Variants in ROS1 observed in about 807,000 individuals in gnomAD.
ROS1 encodes proto-oncogene tyrosine-protein kinase ROS.
In ROS1, 263 loss-of-function variants were observed where a neutral mutation model predicts 273.5. The observed-to-expected ratio is 0.96, with a 90% CI of 0.87 to 1.06. The LOEUF is 1.06. ROS1 is among the 50% of genes least tolerant of loss of function. ROS1 has a pLI of 0.00. For missense variants in ROS1, 2,833 were observed against 2,751.1 expected, an observed-to-expected ratio of 1.03 and a Z score of -0.67; for synonymous variants, 1,008 against 954.1, an observed-to-expected ratio of 1.06 and a Z score of -1.04.
At chr6:117,383,604 C>A in intron 16 of ROS1, 96 bp from the exon 17 acceptor site, 2 of 918,128 alleles carry the variant, frequency 2.2e-6, no homozygotes, top group Non-Finnish European at 3.5e-6. Flanking sequence ...CTTGATTAAT[C>A]ATTCATTCAT....
intron 27 of ROS1, among the ~76,000 whole-genome samples, chr6:117,348,916 T>C (rs1239400593): frequency 1.3e-5 from 2 of 152,068 alleles, no homozygotes; most frequent in African/African-American, 2.4e-5. Flanking sequence ...TATTGAGTTC[T>C]AGTTAAATGG....
At chr6:117,358,468 C>CTT (rs112615361) in intron 24 of ROS1, among the ~76,000 whole-genome samples, 1 of 147,894 alleles carries the variant, frequency 6.8e-6, no homozygotes. Flanking sequence ...AAACTAGTCC[C>CTT]TTTTTTTTTT....
At chr6:117,398,757 G>A (rs532788358) in intron 7 of ROS1, among the ~76,000 whole-genome samples, 18 of 150,340 alleles carry the variant, frequency 1.2e-4, no homozygotes, top group Non-Finnish European at 2.2e-4. Flanking sequence ...GGCGGATCAC[G>A]AGGTCAGGAG....
intron 17 of ROS1, 145 bp downstream of exon 17, chr6:117,383,172 G>C: frequency 1.8e-6 from 1 of 546,858 alleles, no homozygotes; most frequent in Middle Eastern, 5.2e-4. Flanking sequence ...TCAAATAACA[G>C]AAAACTTGGT....
intron 38 of ROS1, among the ~76,000 whole-genome samples, chr6:117,317,926 C>G (rs191782323): frequency 6.6e-6 from 1 of 152,254 alleles, no homozygotes; most frequent in African/African-American, 2.4e-5. Context: ...AAAAGCCAAA[C>G]AGCTTCAGAA....
At chr6:117,393,186 A>G (rs1237969125) in intron 12 of ROS1, 38 bp downstream of exon 12, 9 of 1,169,182 alleles carry the variant, frequency 7.7e-6, no homozygotes, top group Non-Finnish European at 1.2e-5. Context: ...ATTTATTCCC[A>G]ATGGAAGAGA....
chr6:117,346,954 TA>T (rs1275153414), intron 27 of ROS1, among the ~76,000 whole-genome samples: 1 of 152,178 alleles, frequency 6.6e-6, no homozygotes, highest in Non-Finnish European at 1.5e-5. Flanking sequence ...ACTGTCTACA[TA>T]GTTTTTTACT....
At position 117,312,641 on chromosome 6, in the gene ROS1, C is replaced by T. The variant is rs139882784; in HGVS notation, c.6118-1524G>A. On this transcript the variant is annotated intron_variant, in intron 39 of 43. Transcript: ENST00000368507. ...CAGTCTGGTGGCTAGTGCCCTGTTCCCTGCTGACAGATTTTCATAATGCTG... is the reference window on the plus strand; with the variant it reads ...CAGTCTGGTGGCTAGTGCCCTGTTCTCTGCTGACAGATTTTCATAATGCTG... Among the ~76,000 whole-genome samples the T allele has an allele frequency of 1.2e-3, 190 of 152,142 alleles. 1 individual carries two copies. Among genetic ancestry groups the T allele is most frequent in the African/African-American group, 4.4e-3 (182 of 41,536 alleles).
intron 14 of ROS1, among the ~76,000 whole-genome samples, chr6:117,387,205 T>C (rs1454511012): frequency 6.6e-6 from 1 of 152,232 alleles, no homozygotes; most frequent in Non-Finnish European, 1.5e-5. Flanking sequence ...TTTCTGATTT[T>C]CACATAAATT....
In ROS1 at chr6:117,403,170, T is replaced by G. The variant is rs886892252; in HGVS notation, c.573A>C (p.Pro191=). Residue 191 remains proline (P), a synonymous_variant, in exon 7 of 44, where the codon CCA becomes CCC. Coordinates refer to ENST00000368507, the MANE Select transcript of ROS1 (RefSeq NM_001378902.1). The part of the protein sequence containing the change: ...FTAQLQLYSP[P]SPSYRTHPHG... ...GAGGATGAGTCCTGTAACTGGGACT[T>G]GGAGGGGAGTAGAGCTGCAGCTGCG... 5.0e-6 allele frequency: 8 copies of G among 1,613,622 alleles called. No homozygotes were observed. In the African/African-American group the frequency reaches 1.1e-4, roughly 22 times the overall value.
intron 41 of ROS1, 132 bp from the exon 42 acceptor site, chr6:117,309,060 C>A (rs997325788): frequency 8.1e-6 from 6 of 743,308 alleles, no homozygotes; most frequent in Non-Finnish European, 1.3e-5. Context: ...TCATAAAAGG[C>A]AAACGGCAGA....
chr6:117,319,807 C>T (rs1262573850), intron 37 of ROS1, 61 bp downstream of exon 37: 1 of 1,433,830 alleles, frequency 7.0e-7, no homozygotes, highest in Non-Finnish European at 9.7e-7. Flanking sequence ...TAATTATATC[C>T]AGGTCAATCT....
At chr6:117,380,351 C>A (rs1772026292) in intron 17 of ROS1, among the ~76,000 whole-genome samples, 2 of 152,074 alleles carry the variant, frequency 1.3e-5, no homozygotes, top group African/African-American at 4.8e-5. Context: ...ACGACAAAAA[C>A]CCTTCGGTTG....
At chr6:117,327,753 A>T (rs1250652900) in intron 33 of ROS1, among the ~76,000 whole-genome samples, 1 of 152,240 alleles carries the variant, frequency 6.6e-6, no homozygotes, top group Non-Finnish European at 1.5e-5. Context: ...TAGAAATAAG[A>T]TCTTGACAAA....
chr6:117,342,535 C>T lies in ROS1; in HGVS notation c.4516G>A (p.Asp1506Asn), dbSNP rs1778029784. The change falls in exon 29 of 44, where the codon GAC becomes AAC. Residue 1506 changes from aspartate to asparagine, a missense_variant. Physicochemically the swap from Asp to Asn is conservative, Grantham distance 23. Transcript: ENST00000368507. ...DLKYRILEFQ[D>N]SIALIEDLQP... is the part of the protein sequence containing the mutation. ...AAATCTTCAATAAGAGCTATACTGTCCTGAAATTCCTGTAATTGATTTTTT... is the reference window on the plus strand; with the variant it reads ...AAATCTTCAATAAGAGCTATACTGTTCTGAAATTCCTGTAATTGATTTTTT... 7.4e-6 allele frequency: 11 copies of T among 1,481,942 alleles called. No individual in the cohort carries two copies. The East Asian group carries it at 2.7e-4, about 36-fold the overall frequency. The allele number at this position is 1,481,942 out of a possible 1,614,324, so 91.8% of individuals were successfully genotyped here.
At chr6:117,327,385 C>T (rs1776715930) in intron 33 of ROS1, among the ~76,000 whole-genome samples, 1 of 152,150 alleles carries the variant, frequency 6.6e-6, no homozygotes. Context: ...TCACCTTTAG[C>T]ATTGGCCATT....
chr6:117,377,547 C>T (rs1037356296), intron 18 of ROS1, among the ~76,000 whole-genome samples: 1 of 151,240 alleles, frequency 6.6e-6, no homozygotes. Flanking sequence ...CACAACATAC[C>T]CCAAAATAAA....
intron 29 of ROS1, 152 bp from the exon 30 acceptor site, chr6:117,341,784 A>C: frequency 1.6e-6 from 1 of 638,862 alleles, no homozygotes; most frequent in Non-Finnish European, 2.7e-6. Flanking sequence ...CTATAATCGT[A>C]GGTTAACAGA....
intron 11 of ROS1, 74 bp downstream of exon 11, chr6:117,394,088 A>G: frequency 3.3e-6 from 3 of 920,126 alleles, no homozygotes; most frequent in Non-Finnish European, 4.8e-6. Flanking sequence ...AATTGTGTTT[A>G]GTATTAAATA....
Sources: gnomAD v4.1 joint callset for allele counts (sites outside exome capture counted in the v4.1 genomes callset) on GRCh38, gnomAD v4.1.1 for gene constraint, MANE v1.5 for transcripts, NCBI Gene and HGNC (gene_info 2026-07-23, HGNC 2026-07-21) for gene names.